Variants in RSPH14 observed in about 807,000 individuals in gnomAD.
RSPH14 encodes the protein rhabdoid tumor deletion region gene 1.
In RSPH14, 20 loss-of-function variants were observed where a neutral mutation model predicts 26.7. That is an observed-to-expected ratio of 0.75 (90% CI 0.53 to 1.09). The LOEUF (loss-of-function observed/expected upper bound fraction) is 1.09. RSPH14 is among the 50% of genes least tolerant of loss of function. RSPH14 has a pLI of 0.00. For missense variants in RSPH14, 449 were observed against 457.2 expected (o/e 0.98, Z 0.16); for synonymous variants, 177 against 189.3 (o/e 0.93, Z 0.53).
chr22:23,123,149 C>T, intron 4 of RSPH14: 1 of 1,613,922 alleles, frequency 6.2e-7, no homozygotes, highest in Non-Finnish European at 8.5e-7. Flanking sequence ...GGTTCATCAA[C>T]ACCTCACTCA....
the RSPH14 span, chr22:23,158,121 G>A: frequency 6.3e-7 from 1 of 1,587,640 alleles, no homozygotes; most frequent in African/African-American, 1.3e-5. Context: ...ACCCTGGCCA[G>A]TGGACCCTGA....
chr22:23,150,135 A>G, the RSPH14 span: 1 of 1,612,374 alleles, frequency 6.2e-7, no homozygotes, highest in Non-Finnish European at 8.5e-7. Context: ...CTGCCAACGC[A>G]GGAACACGGG....
At chr22:23,068,180 C>A (rs550768879) in intron 4 of RSPH14, among the ~76,000 whole-genome samples, 1 of 152,358 alleles carries the variant, frequency 6.6e-6, no homozygotes, top group African/African-American at 2.4e-5. Flanking sequence ...ATGTCCTGCA[C>A]CGTCCCCGCC....
At chr22:23,135,228 C>A (rs946977551) in intron 3 of RSPH14, among the ~76,000 whole-genome samples, 4 of 149,740 alleles carry the variant, frequency 2.7e-5, no homozygotes, top group African/African-American at 9.9e-5. Flanking sequence ...AATCCCAGCA[C>A]TTTGGAAGGC....
chr22:23,135,783 A>G (rs4820539), intron 3 of RSPH14, among the ~76,000 whole-genome samples: 86,864 of 151,640 alleles, frequency 0.57, 25,246 homozygotes, highest in African/African-American at 0.65. Context: ...CCATTTCTTC[A>G]GTTCCTTGCT....
At chr22:23,178,434 G>A in the RSPH14 span, among the ~76,000 whole-genome samples, 3 of 148,706 alleles carry the variant, frequency 2.0e-5, no homozygotes, top group East Asian at 6.0e-4. Context: ...AAAAAAATAG[G>A]CCACTGAGGA....
chr22:23,163,357 G>A, the RSPH14 span: 19 of 152,708 alleles, frequency 1.2e-4, no homozygotes, highest in Non-Finnish European at 2.9e-5. Context: ...AGCCTCCCGA[G>A]TAGCTGGGAC....
At chr22:23,112,964 G>C (rs1286508948) in intron 4 of RSPH14, among the ~76,000 whole-genome samples, 1 of 152,192 alleles carries the variant, frequency 6.6e-6, no homozygotes, top group Non-Finnish European at 1.5e-5. Context: ...GGAGCGTTCT[G>C]ATAGGAACAT....
At chr22:23,155,513 A>C in the RSPH14 span, among the ~76,000 whole-genome samples, 1 of 152,204 alleles carries the variant, frequency 6.6e-6, no homozygotes, top group Non-Finnish European at 1.5e-5. Flanking sequence ...GCAGTGTGGA[A>C]GGTGAAGCAA....
At chr22:23,096,683 A>G (rs1206313451) in intron 4 of RSPH14, among the ~76,000 whole-genome samples, 1 of 152,202 alleles carries the variant, frequency 6.6e-6, no homozygotes, top group Non-Finnish European at 1.5e-5. Flanking sequence ...CCGGGCATCC[A>G]TGATCAATCC....
the RSPH14 span, among the ~76,000 whole-genome samples, chr22:23,176,513 C>T: frequency 6.6e-6 from 1 of 152,146 alleles, no homozygotes; most frequent in Non-Finnish European, 1.5e-5. Context: ...CTAGCGTTGG[C>T]CCCCTGGTCC....
At chr22:23,080,595 GC>G (rs2068649349) in intron 4 of RSPH14, among the ~76,000 whole-genome samples, 1 of 152,216 alleles carries the variant, frequency 6.6e-6, no homozygotes, top group African/African-American at 2.4e-5. Flanking sequence ...CAGGTGCAAG[GC>G]CCATCAGGCA....
intron 4 of RSPH14, among the ~76,000 whole-genome samples, chr22:23,077,985 G>T (rs2068552955): frequency 6.6e-6 from 1 of 152,214 alleles, no homozygotes; most frequent in African/African-American, 2.4e-5. Context: ...GCCCAGCTCT[G>T]CATGGCATGT....
At chr22:23,069,370 T>C (rs1569155865) in intron 4 of RSPH14, among the ~76,000 whole-genome samples, 1 of 152,198 alleles carries the variant, frequency 6.6e-6, no homozygotes, top group Non-Finnish European at 1.5e-5. Flanking sequence ...TTTACAAAGA[T>C]GGAGAAGAGA....
chr22:23,178,579 G>T, the RSPH14 span, among the ~76,000 whole-genome samples: 5 of 152,342 alleles, frequency 3.3e-5, no homozygotes, highest in Admixed American at 3.3e-4. Context: ...AAGGTCCGCT[G>T]GGTCCAAGGG....
the RSPH14 span, chr22:23,161,061 C>A: frequency 5.2e-6 from 8 of 1,533,116 alleles, no homozygotes; most frequent in Non-Finnish European, 6.2e-6. Flanking sequence ...TCCACATGCG[C>A]CATCCTCGTC....
the RSPH14 span, among the ~76,000 whole-genome samples, chr22:23,176,997 T>C: frequency 0.28 from 42,110 of 152,208 alleles, 5,952 homozygotes; most frequent in East Asian, 0.35. Context: ...AACATGCCCA[T>C]GGTACTGGCA....
chr22:23,161,047 A>G, the RSPH14 span: 1 of 1,552,466 alleles, frequency 6.4e-7, no homozygotes, highest in Non-Finnish European at 8.7e-7. Context: ...CTGGAGGCCT[A>G]AAATCCACAT....
intron 4 of RSPH14, among the ~76,000 whole-genome samples, chr22:23,111,919 A>T (rs1276452720): frequency 6.6e-6 from 1 of 152,172 alleles, no homozygotes; most frequent in African/African-American, 2.4e-5. Context: ...CTGATCACAG[A>T]GTGTGTCACT....
Sources: allele counts gnomAD v4.1 joint callset (sites outside exome capture counted in the v4.1 genomes callset), GRCh38; gene constraint gnomAD v4.1.1; transcripts MANE v1.5; gene names NCBI Gene and HGNC (gene_info 2026-07-23, HGNC 2026-07-21).